GNL3L: variants seen among roughly 807,000 people sequenced by gnomAD.
GNL3L encodes the protein G protein nucleolar 3 like.
Under a neutral mutation model 42.9 loss-of-function variants are expected in GNL3L, and 4 were observed. That is an observed-to-expected ratio of 0.09 (90% confidence interval 0.05 to 0.21). GNL3L has a LOEUF of 0.21. Ranked by LOEUF, GNL3L falls within the 10% of genes least tolerant of loss-of-function variation. The pLI is 1.00. For synonymous variants in GNL3L, 159 were observed against 176.3 expected (o/e 0.90, Z 0.78); for missense variants, 412 against 481.7 (o/e 0.86, Z 1.36).
chrX:54,599,843 T>C (rs1239821758), intron 16 of GNL3L, among the ~76,000 whole-genome samples: 2 of 111,393 alleles, frequency 1.8e-5, no homozygotes, highest in Non-Finnish European at 3.8e-5. Flanking sequence ...TTTTTTCTGT[T>C]GGGACCATTC....
At chrX:54,574,926 C>T (rs1257520129) in intron 16 of GNL3L, among the ~76,000 whole-genome samples, 1 of 111,861 alleles carries the variant, frequency 8.9e-6, no homozygotes, top group African/African-American at 3.2e-5. Context: ...TGCTTATAAT[C>T]TTTTTAACTT....
In GNL3L at chrX:54,533,367, CA is replaced by C. The variant is rs771261021; in HGVS notation, c.19+796del. Among the ~76,000 whole-genome samples, 520 of 59,399 alleles carry C rather than the reference CA, an allele frequency of 8.8e-3. 5 individuals carry two copies. Among genetic ancestry groups the C allele is most frequent in the African/African-American group, 0.023 (362 of 16,009 alleles). 51.6% of individuals were successfully genotyped at this position (59,399 alleles called of 115,157 possible). ...TGGGCGACAGAGTGAGACGCTGTCT[CA>C]AAAAAAAAAAAAAGGAATAAAACAA... On this transcript the variant is annotated intron_variant, in intron 2 of 15. Transcript: ENST00000360845.
chrX:54,609,199 AT>A (rs1362510250), intron 16 of GNL3L, among the ~76,000 whole-genome samples: 1 of 110,798 alleles, frequency 9.0e-6, no homozygotes, highest in African/African-American at 3.3e-5. Flanking sequence ...GTTTTGATGG[AT>A]TATTTGTTTT....
rs780170043 is a variant in GNL3L at position 54,562,936 on chromosome X, T to C, written c.*2334T>C. ...GTACTGCCTCCTTAACAAAGGAAGA[T>C]TGATTAAGCCCCTACTTTGTGCCAG... On this transcript the variant is annotated 3_prime_UTR_variant, in exon 16 of 16. Transcript: ENST00000360845. Among the ~76,000 whole-genome samples the C allele has an allele frequency of 1.3e-4, 15 of 111,738 alleles. No individual in the cohort carries two copies. Among genetic ancestry groups the C allele is most frequent in the African/African-American group, 4.9e-4 (15 of 30,772 alleles).
intron 4 of GNL3L, among the ~76,000 whole-genome samples, 185 bp from the exon 5 acceptor site, chrX:54,541,088 T>C (rs924490934): frequency 2.7e-5 from 3 of 111,780 alleles, no homozygotes; most frequent in Non-Finnish European, 5.6e-5. Flanking sequence ...TGCAACTCTT[T>C]CCTTCCCTTC....
At chrX:54,595,128 G>T (rs991331059) in intron 16 of GNL3L, among the ~76,000 whole-genome samples, 1 of 112,020 alleles carries the variant, frequency 8.9e-6, no homozygotes, top group African/African-American at 3.2e-5. Flanking sequence ...TGTAGCTTCA[G>T]ATAATTTCTT....
the GNL3L span, among the ~76,000 whole-genome samples, chrX:54,643,372 G>A: frequency 3.6e-5 from 4 of 111,216 alleles, no homozygotes; most frequent in African/African-American, 1.3e-4. Flanking sequence ...TATATGCAAA[G>A]ATAAACTTTG....
chrX:54,602,878 T>C (rs1390767858), intron 16 of GNL3L, among the ~76,000 whole-genome samples: 1 of 111,784 alleles, frequency 8.9e-6, no homozygotes, highest in Non-Finnish European at 1.9e-5. Flanking sequence ...TCTTCCCCAG[T>C]CATGCCTCCA....
intron 16 of GNL3L, among the ~76,000 whole-genome samples, chrX:54,584,577 A>T (rs1401669442): frequency 1.8e-5 from 2 of 111,752 alleles, no homozygotes; most frequent in African/African-American, 3.3e-5. Context: ...CATATATTTT[A>T]TTTCTTCATC....
At chrX:54,606,335 C>T (rs1330340116) in intron 16 of GNL3L, among the ~76,000 whole-genome samples, 1 of 111,198 alleles carries the variant, frequency 9.0e-6, no homozygotes, top group African/African-American at 3.3e-5. Flanking sequence ...AAGGCAGGTA[C>T]AGATGAGTAT....
chrX:54,627,170 G>T, the GNL3L span, among the ~76,000 whole-genome samples: 1 of 110,284 alleles, frequency 9.1e-6, no homozygotes, highest in African/African-American at 3.3e-5. Flanking sequence ...CACGATGCCC[G>T]GCTAATTTTT....
At chrX:54,542,371 G>A (rs1246419745) in intron 5 of GNL3L, among the ~76,000 whole-genome samples, 2 of 109,007 alleles carry the variant, frequency 1.8e-5, no homozygotes, top group East Asian at 5.9e-4. Context: ...CCTTGAAATA[G>A]TTTGCTGAGA....
intron 16 of GNL3L, among the ~76,000 whole-genome samples, chrX:54,587,536 A>C (rs1297279281): frequency 8.9e-6 from 1 of 111,824 alleles, no homozygotes; most frequent in Non-Finnish European, 1.9e-5. Flanking sequence ...CAAAACTTGA[A>C]TATAGTATAG....
At position 54,552,547 on chromosome X, in the gene GNL3L, GCTTAAGC is replaced by G. The variant is rs1924979934; in HGVS notation, c.1318+120_1318+126del. ...GCCCTACTTGGGCTTTGGGCAAGTT[GCTTAAGC>G]AGCTTCAGGCCTAATTTCTTTTCTT... On this transcript the variant is annotated intron_variant, in intron 13 of 15. Coordinates refer to ENST00000360845, the MANE Select transcript of GNL3L (RefSeq NM_001184819.2). The G allele has an allele frequency of 2.4e-5, 14 of 594,077 alleles. No individual in the cohort carries two copies. The South Asian group carries it at 4.4e-4, about 19-fold the overall frequency. 49.0% of individuals were successfully genotyped at this position (594,077 alleles called of 1,213,427 possible).
intron 10 of GNL3L, among the ~76,000 whole-genome samples, 187 bp downstream of exon 10, chrX:54,551,237 G>C (rs1490592321): frequency 8.9e-6 from 1 of 112,545 alleles, no homozygotes; most frequent in Non-Finnish European, 1.9e-5. Flanking sequence ...CCCCACATGG[G>C]TGGTTCCCAT....
intron 16 of GNL3L, among the ~76,000 whole-genome samples, chrX:54,610,397 A>C (rs950251598): frequency 5.4e-5 from 6 of 110,888 alleles, no homozygotes; most frequent in African/African-American, 2.0e-4. Context: ...ATTGAAGAGG[A>C]GTGGTGAGAG....
the GNL3L span, among the ~76,000 whole-genome samples, chrX:54,643,698 A>G: frequency 9.0e-6 from 1 of 111,203 alleles, no homozygotes; most frequent in African/African-American, 3.3e-5. Flanking sequence ...CTATGGTGCT[A>G]CCAAACACTA....
intron 16 of GNL3L, among the ~76,000 whole-genome samples, chrX:54,617,461 C>G (rs1272428351): frequency 8.9e-6 from 1 of 111,920 alleles, no homozygotes; most frequent in Admixed American, 9.5e-5. Flanking sequence ...AATTCAGTGG[C>G]TTTTAGCTGT....
intron 13 of GNL3L, among the ~76,000 whole-genome samples, chrX:54,552,786 C>T (rs1455698384): frequency 8.9e-6 from 1 of 111,874 alleles, no homozygotes; most frequent in African/African-American, 3.3e-5. Context: ...TTTTTCACAA[C>T]CACTTCAGGT....
Sources: gnomAD v4.1 joint callset for allele counts (sites outside exome capture counted in the v4.1 genomes callset) on GRCh38, gnomAD v4.1.1 for gene constraint, MANE v1.5 for transcripts, NCBI Gene and HGNC (gene_info 2026-07-23, HGNC 2026-07-21) for gene names.